Variants in DLC1 observed in about 807,000 individuals in gnomAD.
DLC1 encodes rho GTPase-activating protein 7.
A neutral mutation model predicts 140.3 loss-of-function variants in DLC1; 54 were observed. That is an observed-to-expected ratio of 0.38 (90% CI 0.31 to 0.48). The LOEUF (loss-of-function observed/expected upper bound fraction) is 0.48. DLC1 is among the 20% of genes least tolerant of loss of function. The pLI, the probability that DLC1 is intolerant of heterozygous loss-of-function variation, is 0.96. For missense variants in DLC1, 2,536 were observed against 1,907.0 expected, an observed-to-expected ratio of 1.33 and a Z score of -6.14; for synonymous variants, 986 against 728.1, an observed-to-expected ratio of 1.35 and a Z score of -5.70.
chr8:13,546,888 C>G lies in DLC1; in HGVS notation c.-125-46692G>C, dbSNP rs531121142. On this transcript the variant is annotated intron_variant, in intron 1 of 1. Transcript: ENST00000631382. Reference sequence around the variant, plus strand: ...TATTGTTAAAACAATCCTACATTTCCTGAAGTAGACATTTTATGTATCCTA... The same window carrying G: ...TATTGTTAAAACAATCCTACATTTCGTGAAGTAGACATTTTATGTATCCTA... Among the ~76,000 whole-genome samples the G allele has an allele frequency of 5.3e-5, 8 of 152,146 alleles. No individual in the cohort carries two copies. The South Asian group carries it at 1.7e-3, about 32-fold the overall frequency.
chr8:13,237,238 T>TACAC (rs776586833), intron 5 of DLC1, among the ~76,000 whole-genome samples: 5 of 116,184 alleles, frequency 4.3e-5, no homozygotes, highest in African/African-American at 1.3e-4. Flanking sequence ...CATATATATA[T>TACAC]ATACACACAC....
intron 2 of DLC1, among the ~76,000 whole-genome samples, chr8:13,431,911 T>C (rs139557559): frequency 6.6e-5 from 10 of 152,288 alleles, no homozygotes; most frequent in Non-Finnish European, 1.3e-4. Flanking sequence ...GTAATTTATA[T>C]AGAAAATAAG....
intron 5 of DLC1, among the ~76,000 whole-genome samples, chr8:13,138,120 T>C (rs529184102): frequency 1.5e-4 from 23 of 152,292 alleles, no homozygotes; most frequent in African/African-American, 2.2e-4. Flanking sequence ...CTTGCATTTT[T>C]CCCACTGTAA....
At chr8:13,411,783 A>G (rs1277786444) in intron 2 of DLC1, among the ~76,000 whole-genome samples, 17 of 152,202 alleles carry the variant, frequency 1.1e-4, no homozygotes, top group Admixed American at 1.1e-3. Flanking sequence ...TACACACAAA[A>G]TACAGAAAAA....
chr8:13,211,963 G>A (rs1462775750), intron 5 of DLC1, among the ~76,000 whole-genome samples: 1 of 152,122 alleles, frequency 6.6e-6, no homozygotes. Context: ...ACAAACTAAA[G>A]CTGGTCAACA....
chr8:13,411,554 C>A (rs1387354055), intron 2 of DLC1, among the ~76,000 whole-genome samples: 1 of 152,138 alleles, frequency 6.6e-6, no homozygotes, highest in African/African-American at 2.4e-5. Flanking sequence ...TTGAGTGATA[C>A]TGACATGTCA....
chr8:13,312,243 C>T (rs2117553325), intron 4 of DLC1, among the ~76,000 whole-genome samples: 1 of 136,870 alleles, frequency 7.3e-6, no homozygotes, highest in South Asian at 2.6e-4. Flanking sequence ...CGCCTGTAGT[C>T]CCAGCTACTC....
chr8:13,578,003 T>C (rs564385339), intron 1 of DLC1, among the ~76,000 whole-genome samples: 2 of 144,650 alleles, frequency 1.4e-5, no homozygotes, highest in African/African-American at 5.2e-5. Flanking sequence ...TCAGGTTCTA[T>C]AGAAATAAAA....
chr8:13,102,680 C>T lies in DLC1; in HGVS notation c.1566+110G>A, dbSNP rs150219323. ...ATATCATTCAAGATGTAGATGCTTA[C>T]GGAACAACAAACTAAGAGTTGGAGA... On this transcript the variant is annotated intron_variant, in intron 8 of 17. Transcript: ENST00000276297. The T allele has an allele frequency of 1.2e-3, 1,133 of 978,924 alleles. 2 individuals are homozygous for T. The highest frequency in any genetic ancestry group is 1.6e-3 in the Non-Finnish European group (1,014 of 617,538). The allele number at this position is 978,924 out of a possible 1,614,324, so 60.6% of individuals were successfully genotyped here. A position where few individuals can be genotyped will look rare whatever the true frequency, so the allele number is the denominator to read the frequency against.
At chr8:13,153,318 G>A (rs1043150426) in intron 5 of DLC1, among the ~76,000 whole-genome samples, 5 of 152,120 alleles carry the variant, frequency 3.3e-5, no homozygotes, top group African/African-American at 9.7e-5. Context: ...CTCTCCTCCC[G>A]GCCAGAGCTC....
intron 5 of DLC1, among the ~76,000 whole-genome samples, chr8:13,183,166 G>T (rs1029007547): frequency 6.6e-6 from 1 of 152,170 alleles, no homozygotes; most frequent in African/African-American, 2.4e-5. Flanking sequence ...CATTGATTTT[G>T]TATCCTGAGA....
chr8:13,280,076 G>A (rs917086452), intron 5 of DLC1, among the ~76,000 whole-genome samples: 12 of 150,686 alleles, frequency 8.0e-5, no homozygotes, highest in African/African-American at 1.2e-4. Flanking sequence ...TCGGGAGATC[G>A]AGACCATCCT....
At chr8:13,318,784 T>C (rs1274432274) in intron 4 of DLC1, among the ~76,000 whole-genome samples, 1 of 152,228 alleles carries the variant, frequency 6.6e-6, no homozygotes, top group African/African-American at 2.4e-5. Context: ...CCTTTCTACA[T>C]GTCAGTCCTT....
intron 4 of DLC1, among the ~76,000 whole-genome samples, chr8:13,343,986 A>G (rs1486164279): frequency 2.0e-5 from 3 of 152,176 alleles, no homozygotes; most frequent in Admixed American, 2.0e-4. Flanking sequence ...CTAGATTAGT[A>G]TCATTTGCTC....
At position 13,372,956 on chromosome 8, in the gene DLC1, C is replaced by A. The variant is rs561642005; in HGVS notation, c.1314+20597G>T. The stretch of plus-strand genomic sequence containing the variant: ...CAGGGGTTGGCTCAGAGAACAGCAG[C>A]TAGGAAGTAGCTACAGGAAGCAGCA... On this transcript the variant is annotated intron_variant, in intron 4 of 17. Transcript: ENST00000276297. Among the ~76,000 whole-genome samples the A allele has an allele frequency of 7.9e-5, 12 of 152,276 alleles. No individual in the cohort carries two copies. In the East Asian group the frequency reaches 1.4e-3, roughly 17 times the overall value.
chr8:13,172,062 G>A (rs954376887), intron 5 of DLC1, among the ~76,000 whole-genome samples: 8 of 152,082 alleles, frequency 5.3e-5, no homozygotes, highest in African/African-American at 1.9e-4. Flanking sequence ...ACCAAAAAGA[G>A]CAATAATTGT....
chr8:13,316,517 T>G (rs1418767085), intron 4 of DLC1, among the ~76,000 whole-genome samples: 1 of 152,178 alleles, frequency 6.6e-6, no homozygotes, highest in Non-Finnish European at 1.5e-5. Context: ...ACGCTTTATA[T>G]GGATTCCATC....
chr8:13,568,148 A>G (rs71522356), intron 1 of DLC1: 90,280 of 598,204 alleles, frequency 0.15, 7,297 homozygotes, highest in Middle Eastern at 0.21. Flanking sequence ...CAAGAGAACT[A>G]TGTTGGTAGT....
chr8:13,342,116 C>G (rs537050830), intron 4 of DLC1: 1 of 152,190 alleles, frequency 6.6e-6, no homozygotes, highest in East Asian at 1.9e-4. Flanking sequence ...CTTGAAGAAT[C>G]TAACCATGAC....
Sources: gnomAD v4.1 joint callset for allele counts (sites outside exome capture counted in the v4.1 genomes callset) on GRCh38, gnomAD v4.1.1 for gene constraint, MANE v1.5 for transcripts, NCBI Gene and HGNC (gene_info 2026-07-23, HGNC 2026-07-21) for gene names.